Variants in ACAD11 observed in about 807,000 individuals in gnomAD.
The protein encoded by ACAD11 is acyl-CoA dehydrogenase family member 11, also known as acyl-Coenzyme A dehydrogenase family, member 11.
In ACAD11, 83 loss-of-function variants were observed where a neutral mutation model predicts 102.2. The observed-to-expected ratio is 0.81, with a 90% CI of 0.68 to 0.97. The LOEUF is 0.97. ACAD11 is among the 50% of genes least tolerant of loss of function. The pLI is 0.00. For missense variants in ACAD11, 901 were observed against 951.7 expected (o/e 0.95, Z 0.70); for synonymous variants, 324 against 319.8 (o/e 1.01, Z -0.14).
intron 13 of ACAD11, among the ~76,000 whole-genome samples, chr3:132,586,398 G>A (rs1011561724): frequency 1.8e-4 from 27 of 152,022 alleles, no homozygotes; most frequent in African/African-American, 6.3e-4. Context: ...GTTAAATGAC[G>A]AGTTAATGGG....
chr3:132,573,313 G>A lies in ACAD11; in HGVS notation c.2001+2459C>T, dbSNP rs564445542. Reference sequence around the variant, plus strand: ...CTAATGAGCATTTGAAACATACCTAGTCTGAACTGAGATGTACTATAAGTA... The same window carrying A: ...CTAATGAGCATTTGAAACATACCTAATCTGAACTGAGATGTACTATAAGTA... On this transcript the variant is annotated intron_variant, in intron 17 of 19. Transcript: ENST00000264990. 5.3e-5 allele frequency among the ~76,000 whole-genome samples: 8 copies of A among 152,242 alleles called. No homozygotes were observed. The South Asian group carries it at 1.7e-3, about 32-fold the overall frequency.
In ACAD11 at chr3:132,639,534, A is replaced by G. The variant is rs1940403863; in HGVS notation, c.660T>C (p.His220=). The change falls in exon 5 of 20, where the codon CAT becomes CAC. Residue 220 remains histidine, a synonymous_variant. Coordinates refer to ENST00000264990, the MANE Select transcript of ACAD11 (RefSeq NM_032169.5). ...PDNDNEENLI[H]GDFRLDNIVF... is the part of the protein sequence containing the mutation. ...CTATGTTATCTAGTCTGAAATCTCC[A>G]TGAATCAAATTCTCTTCATTGTCAT... 1.9e-6 allele frequency: 3 copies of G among 1,613,972 alleles called. No individual in the cohort carries two copies. Among genetic ancestry groups the G allele is most frequent in the Non-Finnish European group, 2.5e-6 (3 of 1,179,970 alleles).
chr3:132,613,040 G>A (rs1024639924), intron 11 of ACAD11, among the ~76,000 whole-genome samples: 4 of 152,012 alleles, frequency 2.6e-5, no homozygotes, highest in Non-Finnish European at 5.9e-5. Flanking sequence ...GGAATACTAT[G>A]CAGCCATAAA....
At chr3:132,612,202 T>C (rs1462268820) in intron 11 of ACAD11, among the ~76,000 whole-genome samples, 2 of 152,018 alleles carry the variant, frequency 1.3e-5, no homozygotes, top group African/African-American at 4.8e-5. Context: ...ATCCCTTCTT[T>C]ACACCTTATA....
chr3:132,563,709 C>G (rs1047743544), intron 17 of ACAD11, among the ~76,000 whole-genome samples: 3 of 152,128 alleles, frequency 2.0e-5, no homozygotes, highest in African/African-American at 7.2e-5. Flanking sequence ...TCTATACAAT[C>G]ACATTGTCAT....
At chr3:132,623,512 A>AT (rs71708127) in intron 9 of ACAD11, among the ~76,000 whole-genome samples, 56,600 of 150,136 alleles carry the variant, frequency 0.38, 13,351 homozygotes, top group East Asian at 0.72. Context: ...GTACAGTACG[A>AT]TTTTTTTTTT....
intron 13 of ACAD11, among the ~76,000 whole-genome samples, chr3:132,579,799 A>G (rs1937573075): frequency 6.6e-6 from 1 of 152,172 alleles, no homozygotes; most frequent in South Asian, 2.1e-4. Flanking sequence ...CAGAAGTCAA[A>G]GCAGCATGAA....
chr3:132,586,342 G>A (rs1365999119), intron 13 of ACAD11, among the ~76,000 whole-genome samples: 1 of 152,128 alleles, frequency 6.6e-6, no homozygotes, highest in Non-Finnish European at 1.5e-5. Context: ...AGCCTGTTGT[G>A]GGGTGGGGGG....
At chr3:132,594,725 A>G (rs1490019351) in intron 13 of ACAD11, among the ~76,000 whole-genome samples, 1 of 152,188 alleles carries the variant, frequency 6.6e-6, no homozygotes, top group Non-Finnish European at 1.5e-5. Flanking sequence ...AGGGAACTAA[A>G]ATAGGGTGGG....
At position 132,626,698 on chromosome 3, in the gene ACAD11, G is replaced by C. The variant is rs1416750241; in HGVS notation, c.1190C>G (p.Ala397Gly). The stretch of plus-strand genomic sequence containing the variant: ...TGCTTATATAATACTCACCTTTTCA[G>C]CTGGAAGAATGTGTTGTTTCATGAA... ...KHFMKQHILP[A>G]EKEVTEFYVQ... The change falls in exon 9 of 20, where the codon GCT (alanine) becomes GGT (glycine). Residue 397 changes from alanine (A) to glycine (G), a missense_variant. By Grantham distance (60) the Ala-to-Gly change is moderately conservative. Transcript: ENST00000264990. 1.9e-6 allele frequency: 3 copies of C among 1,613,466 alleles called. No individual in the cohort carries two copies. Among genetic ancestry groups the C allele is most frequent in the South Asian group, 1.1e-5 (1 of 91,064 alleles).
chr3:132,626,607 C>T, intron 9 of ACAD11, 84 bp downstream of exon 9: 2 of 1,497,682 alleles, frequency 1.3e-6, no homozygotes, highest in Non-Finnish European at 1.8e-6. Flanking sequence ...AAAATGACAC[C>T]ATGCTTCTCC....
chr3:132,656,850 T>TC (rs973956091), intron 1 of ACAD11, among the ~76,000 whole-genome samples: 13 of 94,066 alleles, frequency 1.4e-4, no homozygotes, highest in African/African-American at 7.4e-4. Flanking sequence ...CATTGTGTTG[T>TC]TTTTTTTTTT....
intron 1 of ACAD11, among the ~76,000 whole-genome samples, chr3:132,647,694 G>GGTGAGTATGGGTACCACCTTGATTTAGAA (rs1940767582): frequency 6.6e-6 from 1 of 152,154 alleles, no homozygotes; most frequent in Non-Finnish European, 1.5e-5. Context: ...TCAGGAAATG[G>GGTGAGTATGGGTACCACCTTGATTTAGAA]GTGAGTATGG....
intron 13 of ACAD11, among the ~76,000 whole-genome samples, chr3:132,581,943 G>T (rs1937604753): frequency 6.6e-6 from 1 of 151,948 alleles, no homozygotes; most frequent in Non-Finnish European, 1.5e-5. Flanking sequence ...GTGGCTGCAA[G>T]ACAGAATATA....
intron 13 of ACAD11, among the ~76,000 whole-genome samples, chr3:132,593,139 A>C (rs191415624): frequency 9.7e-4 from 147 of 152,182 alleles, no homozygotes; most frequent in African/African-American, 3.4e-3. Flanking sequence ...GATAAATGAA[A>C]TCAAAATCAG....
intron 13 of ACAD11, among the ~76,000 whole-genome samples, chr3:132,590,036 T>C (rs1180496829): frequency 1.3e-5 from 2 of 152,208 alleles, no homozygotes; most frequent in Non-Finnish European, 2.9e-5. Flanking sequence ...AAAGACATGA[T>C]CTCATTCTTT....
intron 9 of ACAD11, among the ~76,000 whole-genome samples, chr3:132,624,700 C>T (rs1209688057): frequency 2.7e-5 from 4 of 150,920 alleles, no homozygotes; most frequent in South Asian, 4.2e-4. Flanking sequence ...GCTTTTTTGT[C>T]GTTGTTGAGA....
intron 11 of ACAD11, among the ~76,000 whole-genome samples, chr3:132,616,219 T>C (rs1161056836): frequency 6.6e-6 from 1 of 152,220 alleles, no homozygotes; most frequent in Admixed American, 6.5e-5. Flanking sequence ...CAAATCTCTG[T>C]CCAATTTTAA....
intron 4 of ACAD11, 32 bp downstream of exon 4, chr3:132,641,940 G>T: frequency 6.5e-7 from 1 of 1,549,404 alleles, no homozygotes; most frequent in South Asian, 1.2e-5. Context: ...ACAAGAACTT[G>T]AAAAAAATAG....
Sources: gnomAD v4.1 joint callset for allele counts (sites outside exome capture counted in the v4.1 genomes callset) on GRCh38, gnomAD v4.1.1 for gene constraint, MANE v1.5 for transcripts, NCBI Gene and HGNC (gene_info 2026-07-23, HGNC 2026-07-21) for gene names.